FANCI: variants seen among roughly 807,000 people sequenced by gnomAD.
FANCI encodes the protein FA complementation group I.
In FANCI, 156 loss-of-function variants were observed where a neutral mutation model predicts 176.1. The ratio of observed to expected loss-of-function variants is 0.89; its 90% CI spans 0.78 to 1.01. The LOEUF (loss-of-function observed/expected upper bound fraction) is 1.01. Ranked by LOEUF, FANCI falls within the 50% of genes least tolerant of loss-of-function variation. The pLI is 0.00. For missense variants in FANCI, 1,678 were observed against 1,534.1 expected (o/e 1.09, Z -1.57); for synonymous variants, 613 against 541.7 (o/e 1.13, Z -1.83).
At chr15:89,278,444 A>G (rs2053487675) in intron 13 of FANCI, among the ~76,000 whole-genome samples, 3 of 152,240 alleles carry the variant, frequency 2.0e-5, no homozygotes, top group African/African-American at 4.8e-5. Context: ...ATATGTAGCA[A>G]TAGTTTAATG....
intron 34 of FANCI, chr15:89,307,959 G>C: frequency 1.5e-6 from 2 of 1,301,536 alleles, no homozygotes; most frequent in African/African-American, 1.5e-5. Context: ...GTTTATTCCT[G>C]GGTGACTGAA....
In FANCI at chr15:89,299,895, G is replaced by T; in HGVS notation, c.2732G>T (p.Gly911Val). Reference sequence around the variant, plus strand: ...AGCATCTCACTGCTGTGCTTGGAGGGTTTACAGAAAATATTCAGTGCTGTG... The same window carrying T: ...AGCATCTCACTGCTGTGCTTGGAGGTTTTACAGAAAATATTCAGTGCTGTG... Reference protein sequence around the residue: ...GKSISLLCLEGLQKIFSAVQQ... With the variant: ...GKSISLLCLEVLQKIFSAVQQ... Residue 911 changes from glycine (G) to valine (V), a missense_variant, in exon 25 of 38, where the codon GGT becomes GTT. Transcript: ENST00000310775. The T allele has an allele frequency of 6.2e-6, 10 of 1,614,048 alleles. No individual in the cohort carries two copies. Among genetic ancestry groups the T allele is most frequent in the Non-Finnish European group, 8.5e-6 (10 of 1,179,994 alleles).
At chr15:89,308,822 T>C (rs1434253901) in intron 34 of FANCI, among the ~76,000 whole-genome samples, 1 of 151,992 alleles carries the variant, frequency 6.6e-6, no homozygotes, top group Non-Finnish European at 1.5e-5. Context: ...GGCGGGCACC[T>C]GTAATCCCAG....
Position 89,260,730 on chromosome 15 carries a change from G to A in FANCI, c.175G>A (p.Glu59Lys). The A allele has an allele frequency of 6.2e-7, 1 of 1,613,926 alleles. No homozygotes were observed. Among genetic ancestry groups the A allele is most frequent in the South Asian group, 1.1e-5 (1 of 91,070 alleles). ...AIFKGSPCSE[E>K]AGTLRRRKIY... The stretch of plus-strand genomic sequence containing the variant: ...ACAATAAGGTTCCCCCTGCTCTGAG[G>A]AAGCTGGAACACTTAGGAGACGTAA... Residue 59 changes from glutamate (E) to lysine (K), a missense_variant, in exon 4 of 38, where the codon GAA (glutamate) becomes AAA (lysine). By Grantham distance (56) the Glu-to-Lys change is moderately conservative. Transcript: ENST00000310775.
At chr15:89,272,617 T>C (rs556063562) in intron 10 of FANCI, among the ~76,000 whole-genome samples, 2 of 152,326 alleles carry the variant, frequency 1.3e-5, no homozygotes, top group African/African-American at 2.4e-5. Flanking sequence ...CAATTTTTGC[T>C]CTTACATTTG....
chr15:89,279,978 A>G (rs930592434), intron 14 of FANCI, among the ~76,000 whole-genome samples: 2 of 152,162 alleles, frequency 1.3e-5, no homozygotes, highest in Non-Finnish European at 2.9e-5. Flanking sequence ...CCACCTTATG[A>G]CTACAGAATC....
intron 15 of FANCI, 53 bp from the exon 16 acceptor site, chr15:89,281,712 C>G (rs1596284946): frequency 6.5e-7 from 1 of 1,538,846 alleles, no homozygotes; most frequent in Non-Finnish European, 9.0e-7. Flanking sequence ...GTAGAAATGA[C>G]CTAAGGCTAA....
Position 89,278,734 on chromosome 15 carries a change from GGTT to G in FANCI, c.1345_1347del (p.Val449del). The G allele has an allele frequency of 6.2e-7, 1 of 1,613,898 alleles. No homozygotes were observed. The highest frequency in any genetic ancestry group is 1.1e-5 in the South Asian group (1 of 91,080). On this transcript the variant is annotated inframe_deletion, in exon 14 of 38. Transcript: ENST00000310775. ...AAATTTTGGAGCAGGTCCTCAACAG[GGTT>G]GTTACCAGAGCATCTTCTCCCATCA...
chr15:89,300,033 A>G (rs2054469415), intron 25 of FANCI, 67 bp downstream of exon 25: 17 of 1,560,466 alleles, frequency 1.1e-5, no homozygotes, highest in East Asian at 4.5e-5. Flanking sequence ...CCTTAATTCC[A>G]TTTGTTAACC....
At position 89,314,556 on chromosome 15, in the gene FANCI, G is replaced by A. The variant is rs1181098644; in HGVS notation, c.3721-56G>A. 17 of 1,344,444 alleles carry A rather than the reference G, an allele frequency of 1.3e-5. No homozygotes were observed. In the East Asian group the frequency reaches 3.7e-4, roughly 29 times the overall value. 83.3% of individuals were successfully genotyped at this position (1,344,444 alleles called of 1,614,324 possible). A position where few individuals can be genotyped will look rare whatever the true frequency, so the allele number is the denominator to read the frequency against. On this transcript the variant is annotated intron_variant, in intron 35 of 37. Transcript: ENST00000310775. ...AGTTTTGTAAGTGACAGCTTCAGAG[G>A]AAAACTTCAAAAACCATTGAACCTG... is the stretch of plus-strand genomic sequence containing the variant.
chr15:89,290,328 C>T lies in FANCI; in HGVS notation c.1890+47C>T, dbSNP rs1362175120. On this transcript the variant is annotated intron_variant, in intron 19 of 37. Coordinates refer to ENST00000310775, the MANE Select transcript of FANCI (RefSeq NM_001113378.2). ...ATATGGAAAACAGACCATCAAGGAT[C>T]GAGAGACAGTTGATGGTTTTCAGAC... 19 of 1,415,812 alleles carry T rather than the reference C, an allele frequency of 1.3e-5. No individual in the cohort carries two copies. The East Asian group carries it at 1.6e-4, about 12-fold the overall frequency. The allele number at this position is 1,415,812 out of a possible 1,614,324, so 87.7% of individuals were successfully genotyped here.
In FANCI at chr15:89,272,113, T is replaced by C. The variant is rs994322507; in HGVS notation, c.883-1264T>C. 2.6e-5 allele frequency among the ~76,000 whole-genome samples: 4 copies of C among 152,228 alleles called. 1 individual carries two copies. Among genetic ancestry groups the C allele is most frequent in the African/African-American group, 4.8e-5 (2 of 41,468 alleles). ...TCTGTGTCTTGGCCAACATTTGTTA[T>C]TGTCTGTCTTTTTTATTATATCCAT... On this transcript the variant is annotated intron_variant, in intron 10 of 37. Transcript: ENST00000310775.
chr15:89,301,193 T>G (rs2054512994), intron 26 of FANCI, 133 bp from the exon 27 acceptor site: 3 of 755,458 alleles, frequency 4.0e-6, no homozygotes, highest in Non-Finnish European at 2.4e-6. Context: ...ATTTTCAGAT[T>G]TTATCCTCTT....
At chr15:89,273,514 A>G (rs764144724) in intron 11 of FANCI, 45 bp downstream of exon 11, 67 of 420,828 alleles carry the variant, frequency 1.6e-4, no homozygotes, top group Middle Eastern at 1.3e-3. Flanking sequence ...TAGTTGGTAA[A>G]AAAAAAAAAA....
Position 89,316,401 on chromosome 15 carries a change from C to T in FANCI, c.3929C>T (p.Thr1310Ile), listed in dbSNP as rs2055264903. Residue 1310 changes from threonine to isoleucine, a missense_variant, in exon 38 of 38, where the codon ACT becomes ATT. Thr to Ile is a moderately conservative substitution (Grantham distance 89). Around this residue, in one of 3 missense-constraint regions of FANCI, gnomAD observed 1,204 missense variants for 1,077.4 expected, o/e 1.12. Coordinates refer to ENST00000310775, the MANE Select transcript of FANCI (RefSeq NM_001113378.2). ...EDGEDENEEG[T>I]ASEHGGQNKE... ...ATTAATTCTTTCCCCTTCTAGGGCA[C>T]TGCATCAGAGCATGGGGGACAGAAC... The T allele has an allele frequency of 1.2e-6, 2 of 1,611,720 alleles. No individual in the cohort carries two copies. The highest frequency in any genetic ancestry group is 1.3e-5 in the African/African-American group (1 of 74,796).
At chr15:89,294,424 A>G (rs929803967) in intron 23 of FANCI, among the ~76,000 whole-genome samples, 5 of 152,110 alleles carry the variant, frequency 3.3e-5, no homozygotes, top group African/African-American at 1.2e-4. Context: ...CATCTCTACT[A>G]AAAATACAAA....
intron 34 of FANCI, 150 bp downstream of exon 34, chr15:89,307,822 C>T (rs2054786167): frequency 6.6e-7 from 1 of 1,522,162 alleles, no homozygotes; most frequent in Non-Finnish European, 8.8e-7. Flanking sequence ...CAAGCCAAGG[C>T]TTGAGGGCTT....
At chr15:89,305,521 C>T (rs942486450) in intron 30 of FANCI, 84 bp from the exon 31 acceptor site, 2 of 1,597,152 alleles carry the variant, frequency 1.3e-6, no homozygotes. Context: ...TGTAACCCAC[C>T]TGTAGGTGGC....
intron 24 of FANCI, 79 bp from the exon 25 acceptor site, chr15:89,299,721 C>A: frequency 7.0e-7 from 1 of 1,433,800 alleles, no homozygotes; most frequent in Non-Finnish European, 9.7e-7. Flanking sequence ...TGTTCACCTA[C>A]AGGGTAAGAA....
Sources: allele counts gnomAD v4.1 joint callset (sites outside exome capture counted in the v4.1 genomes callset), GRCh38; gene constraint gnomAD v4.1.1; regional missense constraint gnomAD v4.1.1; transcripts MANE v1.5; gene names NCBI Gene and HGNC (gene_info 2026-07-23, HGNC 2026-07-21).